The following BRWD1 variants were observed in gnomAD, a reference collection of about 807,000 sequenced individuals.
The protein encoded by BRWD1 is bromodomain and WD repeat domain containing 1, also known as bromodomain and WD repeat-containing protein 1.
Under a neutral mutation model 251.2 loss-of-function variants are expected in BRWD1, and 82 were observed. The observed-to-expected ratio is 0.33, with a 90% confidence interval of 0.27 to 0.39. BRWD1 has a LOEUF of 0.39. Among genes scored for constraint, BRWD1 ranks in the 10% least tolerant of loss-of-function variants. BRWD1 has a pLI of 1.00. For synonymous variants in BRWD1, 918 were observed against 902.8 expected, an observed-to-expected ratio of 1.02 and a Z score of -0.30; for missense variants, 2,233 against 2,711.6, an observed-to-expected ratio of 0.82 and a Z score of 3.92.
At chr21:39,314,268 C>T (rs763805881), upstream of BRWD1, 4 of 455,790 alleles carry the variant, frequency 8.8e-6, no homozygotes, top group African/African-American at 6.0e-5. Flanking sequence ...GCGTCTGCGG[C>T]GCTGAAGGCT....
chr21:39,280,996 A>G (rs1392309699), intron 8 of BRWD1, among the ~76,000 whole-genome samples: 1 of 152,246 alleles, frequency 6.6e-6, no homozygotes, highest in Non-Finnish European at 1.5e-5. Context: ...GAAGGATTAA[A>G]TAGTAGGAAA....
intron 8 of BRWD1, among the ~76,000 whole-genome samples, chr21:39,281,619 C>G (rs929907078): frequency 1.3e-5 from 2 of 152,182 alleles, no homozygotes; most frequent in African/African-American, 4.8e-5. Context: ...CACTTGAGGT[C>G]AGAAGTTTGA....
intron 25 of BRWD1, among the ~76,000 whole-genome samples, chr21:39,230,390 T>C (rs1045046354): frequency 6.6e-5 from 10 of 152,186 alleles, no homozygotes; most frequent in Non-Finnish European, 1.2e-4. Flanking sequence ...GTGCTAAGCA[T>C]AGTTTTCATT....
At chr21:39,278,571 T>G in intron 10 of BRWD1, 172 bp downstream of exon 10, 1 of 535,176 alleles carries the variant, frequency 1.9e-6, no homozygotes, top group Non-Finnish European at 3.3e-6. Flanking sequence ...AAAGGCAGAC[T>G]GGAGGACTGG....
At position 39,196,142 on chromosome 21, in the gene BRWD1, C is replaced by T. The variant is rs2031798254; in HGVS notation, c.*117G>A. ...TGATTTAGTCACATTCATAACTTTT[C>T]ATAGAAAAATATAAATATATTCCCT... is the stretch of plus-strand genomic sequence containing the variant. On this transcript the variant is annotated 3_prime_UTR_variant, in exon 41 of 41. Coordinates refer to ENST00000342449, the MANE Select transcript of BRWD1 (RefSeq NM_033656.4). The T allele has an allele frequency of 6.9e-7, 1 of 1,455,762 alleles. No individual in the cohort carries two copies. The highest frequency in any genetic ancestry group is 2.6e-5 in the Admixed American group (1 of 38,416). The allele number at this position is 1,455,762 out of a possible 1,614,324, so 90.2% of individuals were successfully genotyped here.
chr21:39,223,374 T>C (rs182810375), intron 29 of BRWD1, among the ~76,000 whole-genome samples: 11 of 152,142 alleles, frequency 7.2e-5, no homozygotes, highest in Admixed American at 7.2e-4. Context: ...TCAGAGATTT[T>C]CTTGAAAATT....
Position 39,255,747 on chromosome 21 carries a change from T to C in BRWD1, c.2153A>G (p.Gln718Arg). 6.2e-7 allele frequency: 1 copy of C among 1,614,196 alleles called. No homozygotes were observed. The highest frequency in any genetic ancestry group is 8.5e-7 in the Non-Finnish European group (1 of 1,180,008). Residue 718 changes from glutamine (Q) to arginine (R), a missense_variant, in exon 19 of 41, where the codon CAG becomes CGG. Gln to Arg is a conservative substitution (Grantham distance 43). Around this residue, in one of 12 missense-constraint regions of BRWD1, gnomAD observed 35 missense variants for 76.3 expected, o/e 0.46. Transcript: ENST00000342449. ...ACTGCGTGGAGCGTTTTGATGCATC[T>C]GACGAACACCTTCAACTTGTCCACT... ...RRSGQVEGVR[Q>R]MHQNAPRSQI... is the part of the protein sequence containing the mutation.
rs1317232118 is a variant in BRWD1 at position 39,313,572 on chromosome 21, C to A, written c.-81G>T. The stretch of plus-strand genomic sequence containing the variant: ...CGCCGAGGCCTGACCGGGCTGGCGT[C>A]CCCTCTTCTCAGGCGCGCGCCGCCG... On this transcript the variant is annotated 5_prime_UTR_variant, in exon 1 of 41. Transcript: ENST00000342449. 1.7e-6 allele frequency: 2 copies of A among 1,189,330 alleles called. No individual in the cohort carries two copies. The highest frequency in any genetic ancestry group is 1.1e-6 in the Non-Finnish European group (1 of 947,168). 73.7% of individuals were successfully genotyped at this position (1,189,330 alleles called of 1,614,324 possible). A position where few individuals can be genotyped will look rare whatever the true frequency, so the allele number is the denominator to read the frequency against.
intron 4 of BRWD1, among the ~76,000 whole-genome samples, chr21:39,311,869 C>G (rs2036495360): frequency 6.6e-6 from 1 of 152,178 alleles, no homozygotes; most frequent in Non-Finnish European, 1.5e-5. Flanking sequence ...AATCTTCTAC[C>G]ACTTTTTTTT....
At chr21:39,292,242 C>G (rs1048346604) in intron 8 of BRWD1, among the ~76,000 whole-genome samples, 1 of 151,712 alleles carries the variant, frequency 6.6e-6, no homozygotes, top group African/African-American at 2.4e-5. Flanking sequence ...CATGAGCCAT[C>G]GCTAGGCACA....
rs566987659 is a variant in BRWD1 at position 39,273,022 on chromosome 21, ACT to A, written c.1244+1350_1244+1351del. On this transcript the variant is annotated intron_variant, in intron 13 of 40. Transcript: ENST00000342449. ...ATCAATCAATTCTTACATACAGAAG[ACT>A]CTGTTTTTCAAGATTTGAAAGCAAG... Among the ~76,000 whole-genome samples, 488 of 152,294 alleles carry A rather than the reference ACT, an allele frequency of 3.2e-3. 1 individual carries two copies. The highest frequency in any genetic ancestry group is 5.7e-3 in the Non-Finnish European group (386 of 68,022).
At chr21:39,242,957 C>T (rs2034053240) in intron 21 of BRWD1, among the ~76,000 whole-genome samples, 1 of 152,168 alleles carries the variant, frequency 6.6e-6, no homozygotes. Context: ...CCTAGCCATC[C>T]AAGACCTCTG....
Position 39,313,169 on chromosome 21 carries a change from A to T in BRWD1, c.109-68T>A, listed in dbSNP as rs2036570840. The T allele has an allele frequency of 2.7e-6, 4 of 1,493,000 alleles. No homozygotes were observed. In the African/African-American group the frequency reaches 5.9e-5, roughly 22 times the overall value. The allele number at this position is 1,493,000 out of a possible 1,614,324, so 92.5% of individuals were successfully genotyped here. The stretch of plus-strand genomic sequence containing the variant: ...GGGCGCTCCCGTTTCACCCCCGCCC[A>T]CCACCCGCGACCCCCGGCGGCGGGG... On this transcript the variant is annotated intron_variant, in intron 2 of 40. Coordinates refer to ENST00000342449, the MANE Select transcript of BRWD1 (RefSeq NM_033656.4).
In BRWD1 at chr21:39,274,451, A is replaced by G; in HGVS notation, c.1167T>C (p.Asp389=). The G allele has an allele frequency of 6.2e-7, 1 of 1,613,888 alleles. No homozygotes were observed. The highest frequency in any genetic ancestry group is 1.1e-5 in the South Asian group (1 of 91,078). Reference sequence around the variant, plus strand: ...CAAATCTCCAAATCCGTGCTGTTCCATCTCTGCTACCACTTAGGAACCTTA... The same window carrying G: ...CAAATCTCCAAATCCGTGCTGTTCCGTCTCTGCTACCACTTAGGAACCTTA... ...NGDRFLSGSR[D]GTARIWRFEQ... Residue 389 remains aspartate, a synonymous_variant, in exon 13 of 41, where the codon GAT becomes GAC. Coordinates refer to ENST00000342449, the MANE Select transcript of BRWD1 (RefSeq NM_033656.4).
Position 39,280,262 on chromosome 21 carries a change from C to T in BRWD1, c.832-14G>A, listed in dbSNP as rs770033488. On this transcript the variant is annotated splice_polypyrimidine_tract_variant and intron_variant, in intron 8 of 40. Coordinates refer to ENST00000342449, the MANE Select transcript of BRWD1 (RefSeq NM_033656.4). The stretch of plus-strand genomic sequence containing the variant: ...CATCGGGCTAAACTAAAAAGTAAAA[C>T]ATATACAATTCAGTTTCCAGAACTT... 3.8e-6 allele frequency: 6 copies of T among 1,573,984 alleles called. No individual in the cohort carries two copies. In the African/African-American group the frequency reaches 8.2e-5, roughly 21 times the overall value.
intron 5 of BRWD1, chr21:39,297,200 T>C (rs1445690208): frequency 2.0e-6 from 2 of 985,322 alleles, no homozygotes; most frequent in African/African-American, 3.5e-5. Flanking sequence ...CAGAAATTAG[T>C]TTCTTCATAA....
intron 4 of BRWD1, among the ~76,000 whole-genome samples, chr21:39,302,079 G>A (rs979130610): frequency 6.9e-6 from 1 of 144,484 alleles, no homozygotes; most frequent in Admixed American, 7.5e-5. Flanking sequence ...CACCTCCCAG[G>A]TTGAAGTGAT....
Position 39,188,480 on chromosome 21 carries a change from AG to A in BRWD1, c.*7778del. 1.0e-6 allele frequency: 1 copy of A among 985,430 alleles called. No homozygotes were observed. The highest frequency in any genetic ancestry group is 1.2e-6 in the Non-Finnish European group (1 of 829,904). 61.0% of individuals were successfully genotyped at this position (985,430 alleles called of 1,614,324 possible). On this transcript the variant is annotated 3_prime_UTR_variant, in exon 41 of 41. Transcript: ENST00000342449. ...GAGCTCTTTTAGTCAGATACTATCA[AG>A]TAACACTATTATTCTGTAGCAATGA...
At chr21:39,319,500 C>T (rs183847825) in intron 1 of BRWD1, among the ~76,000 whole-genome samples, 77 of 152,292 alleles carry the variant, frequency 5.1e-4, no homozygotes, top group African/African-American at 1.6e-3. Flanking sequence ...GTTTGGATGT[C>T]GGAGTTGGGC....
Sources: gnomAD v4.1 joint callset for allele counts (sites outside exome capture counted in the v4.1 genomes callset) on GRCh38, gnomAD v4.1.1 for gene constraint, gnomAD v4.1.1 regional missense constraint, MANE v1.5 for transcripts, NCBI Gene and HGNC (gene_info 2026-07-23, HGNC 2026-07-21) for gene names.